VGLL4: variants seen among roughly 807,000 people sequenced by gnomAD.
VGLL4 encodes vestigial like family member 4.
In VGLL4, 7 loss-of-function variants were observed where a neutral mutation model predicts 21.0. The ratio of observed to expected loss-of-function variants is 0.33; its 90% CI spans 0.19 to 0.63. The LOEUF (loss-of-function observed/expected upper bound fraction) is 0.63, where lower values mean the gene tolerates loss of function less well. VGLL4 is among the 20% of genes least tolerant of loss of function. The pLI is 0.78. For missense variants in VGLL4, 394 were observed against 425.7 expected (o/e 0.93, Z 0.66); for synonymous variants, 222 against 173.2 (o/e 1.28, Z -2.21).
chr3:11,714,205 T>C (rs2076888506), intron 1 of VGLL4, among the ~76,000 whole-genome samples: 2 of 152,214 alleles, frequency 1.3e-5, no homozygotes, highest in African/African-American at 2.4e-5. Flanking sequence ...TATGCAATGC[T>C]GCCTGATGCT....
At chr3:11,713,209 G>A (rs902939313) in intron 1 of VGLL4, among the ~76,000 whole-genome samples, 1 of 152,150 alleles carries the variant, frequency 6.6e-6, no homozygotes, top group Non-Finnish European at 1.5e-5. Context: ...ATTTCACCTT[G>A]GTGCTCGAAC....
intron 2 of VGLL4, chr3:11,671,457 G>A: frequency 1.4e-6 from 1 of 724,174 alleles, no homozygotes. Flanking sequence ...TATTCGCCGG[G>A]GATTGGTCCC....
At chr3:11,639,441 C>A (rs2075647463) in intron 1 of VGLL4, among the ~76,000 whole-genome samples, 1 of 152,246 alleles carries the variant, frequency 6.6e-6, no homozygotes, top group African/African-American at 2.4e-5. Context: ...GAATTTGGAC[C>A]AGCAACTGGC....
rs549242502 is a variant in VGLL4, at chr3:11,573,032, G to C, written c.273-8013C>G. On this transcript the variant is annotated intron_variant, in intron 2 of 4. Transcript: ENST00000430365. ...AATACAAAAATTAGCTGGGCTTGGTGGTGGGCGCCTGTAATCCCAGCTACT... is the reference window on the plus strand; with the variant it reads ...AATACAAAAATTAGCTGGGCTTGGTCGTGGGCGCCTGTAATCCCAGCTACT... Among the ~76,000 whole-genome samples the C allele has an allele frequency of 2.6e-3, 390 of 151,912 alleles. 4 individuals are homozygous for C. Among genetic ancestry groups the C allele is most frequent in the Non-Finnish European group, 6.6e-4 (45 of 67,974 alleles).
chr3:11,570,348 A>G (rs753210249), intron 2 of VGLL4, among the ~76,000 whole-genome samples: 2 of 152,112 alleles, frequency 1.3e-5, no homozygotes, highest in Non-Finnish European at 2.9e-5. Context: ...GAGACACAGG[A>G]AAGGAGCAGT....
At chr3:11,581,530 G>T (rs1318691395) in intron 2 of VGLL4, among the ~76,000 whole-genome samples, 4 of 152,202 alleles carry the variant, frequency 2.6e-5, no homozygotes, top group African/African-American at 9.7e-5. Context: ...TCGGAACAAG[G>T]AGGGGACAAA....
chr3:11,681,105 T>A (rs892282644), intron 2 of VGLL4, among the ~76,000 whole-genome samples: 1 of 152,238 alleles, frequency 6.6e-6, no homozygotes, highest in Non-Finnish European at 1.5e-5. Context: ...TTGTTTGTTT[T>A]GTTTTGTTTT....
chr3:11,721,464 G>A (rs573745098), upstream of VGLL4, among the ~76,000 whole-genome samples: 1 of 152,192 alleles, frequency 6.6e-6, no homozygotes, highest in Non-Finnish European at 1.5e-5. Flanking sequence ...CAACTTACAA[G>A]TCAACCTAGG....
chr3:11,569,726 G>C (rs902687369), intron 2 of VGLL4, among the ~76,000 whole-genome samples: 6 of 152,174 alleles, frequency 3.9e-5, no homozygotes, highest in African/African-American at 1.4e-4. Flanking sequence ...ACATCATAAT[G>C]AGACTGCTGG....
intron 1 of VGLL4, among the ~76,000 whole-genome samples, chr3:11,634,585 A>G (rs1260196724): frequency 6.6e-6 from 1 of 151,474 alleles, no homozygotes; most frequent in Non-Finnish European, 1.5e-5. Context: ...ATGCCCGCCT[A>G]CTCACCCCGA....
chr3:11,599,433 A>G (rs2074728236), intron 2 of VGLL4, among the ~76,000 whole-genome samples: 1 of 149,446 alleles, frequency 6.7e-6, no homozygotes, highest in South Asian at 2.2e-4. Context: ...TGGCGATTCT[A>G]TTATTTACAC....
intron 2 of VGLL4, among the ~76,000 whole-genome samples, chr3:11,665,022 AT>A (rs1437836642): frequency 6.6e-6 from 1 of 150,774 alleles, no homozygotes; most frequent in Non-Finnish European, 1.5e-5. Flanking sequence ...TCTCTAGTTA[AT>A]TTCTAAATCA....
At chr3:11,633,915 A>T (rs1271452966) in intron 1 of VGLL4, among the ~76,000 whole-genome samples, 1 of 152,184 alleles carries the variant, frequency 6.6e-6, no homozygotes, top group African/African-American at 2.4e-5. Flanking sequence ...TACAGATGTA[A>T]ACCTAGAAGA....
chr3:11,620,512 T>C (rs765744253), intron 1 of VGLL4, among the ~76,000 whole-genome samples: 7 of 152,158 alleles, frequency 4.6e-5, no homozygotes, highest in East Asian at 1.9e-4. Context: ...AAAGTAAACA[T>C]TGATCATACG....
At chr3:11,564,406 C>CCG (rs1553720515) in intron 3 of VGLL4, among the ~76,000 whole-genome samples, 1 of 11,338 alleles carries the variant, frequency 8.8e-5, no homozygotes, top group Admixed American at 1.3e-3. Flanking sequence ...AAACGTAGGA[C>CCG]CCCCCCACCC....
At chr3:11,709,660 C>T (rs767060196) in intron 1 of VGLL4, among the ~76,000 whole-genome samples, 2 of 151,950 alleles carry the variant, frequency 1.3e-5, no homozygotes, top group Non-Finnish European at 2.9e-5. Context: ...ACTCCCTTAG[C>T]CTCAATTCAT....
intron 1 of VGLL4, among the ~76,000 whole-genome samples, chr3:11,607,642 A>G (rs1264285071): frequency 6.6e-6 from 1 of 152,248 alleles, no homozygotes; most frequent in African/African-American, 2.4e-5. Context: ...GAATATATTT[A>G]TAAGCAGTAT....
chr3:11,718,676 G>T (rs1226884188), intron 1 of VGLL4, among the ~76,000 whole-genome samples: 3 of 152,092 alleles, frequency 2.0e-5, no homozygotes, highest in Non-Finnish European at 4.4e-5. Context: ...GTAGGCTTGG[G>T]TATAGAACAA....
At chr3:11,579,704 C>A (rs560183417) in intron 2 of VGLL4, among the ~76,000 whole-genome samples, 3 of 152,128 alleles carry the variant, frequency 2.0e-5, no homozygotes, top group South Asian at 2.1e-4. Context: ...CACCCTCCCC[C>A]CCAAGTTTCA....
Sources: gnomAD v4.1 joint callset for allele counts (sites outside exome capture counted in the v4.1 genomes callset) on GRCh38, gnomAD v4.1.1 for gene constraint, MANE v1.5 for transcripts, NCBI Gene and HGNC (gene_info 2026-07-23, HGNC 2026-07-21) for gene names.